Variants in SIRT4 observed in about 807,000 individuals in gnomAD.
SIRT4 encodes the protein sirtuin 4, also known as NAD-dependent protein lipoamidase sirtuin-4, mitochondrial.
Under a neutral mutation model 26.1 loss-of-function variants are expected in SIRT4, and 23 were observed. The observed-to-expected ratio is 0.88, with a 90% CI of 0.63 to 1.25. The LOEUF (loss-of-function observed/expected upper bound fraction) is 1.25. SIRT4 is among the 50% of genes most tolerant of loss of function. SIRT4 has a pLI of 0.00. For missense variants in SIRT4, 361 were observed against 405.4 expected, an observed-to-expected ratio of 0.89 and a Z score of 0.94; for synonymous variants, 155 against 158.4, an observed-to-expected ratio of 0.98 and a Z score of 0.16.
the SIRT4 span, chr12:120,293,210 G>C: frequency 6.6e-6 from 1 of 152,152 alleles, no homozygotes; most frequent in Admixed American, 6.6e-5. Context: ...AGACCTCATT[G>C]GCTACGATAC....
chr12:120,292,530 G>A, the SIRT4 span, among the ~76,000 whole-genome samples: 395 of 152,320 alleles, frequency 2.6e-3, 2 homozygotes, highest in African/African-American at 8.9e-3. Flanking sequence ...CTTGAACCCG[G>A]GCGGCAGTTT....
intron 2 of SIRT4, among the ~76,000 whole-genome samples, chr12:120,311,868 G>A (rs376893256): frequency 6.6e-6 from 1 of 151,836 alleles, no homozygotes; most frequent in Non-Finnish European, 1.5e-5. Context: ...AGATGAGCAA[G>A]GGAAAGTATA....
chr12:120,292,256 G>C, the SIRT4 span, among the ~76,000 whole-genome samples: 1 of 152,202 alleles, frequency 6.6e-6, no homozygotes, highest in African/African-American at 2.4e-5. Context: ...TGCGGAAACA[G>C]CAGGGTGGGG....
At chr12:120,294,259 G>A in the SIRT4 span, among the ~76,000 whole-genome samples, 2 of 150,824 alleles carry the variant, frequency 1.3e-5, no homozygotes, top group African/African-American at 4.9e-5. Flanking sequence ...CTCCCAAAGT[G>A]CTGGAATTAC....
rs1873028996 is a variant in SIRT4 at position 120,312,592 on chromosome 12, G to A, written c.634G>A (p.Val212Ile). 1.9e-6 allele frequency: 3 copies of A among 1,614,076 alleles called. No homozygotes were observed. Among genetic ancestry groups the A allele is most frequent in the Non-Finnish European group, 2.5e-6 (3 of 1,180,046 alleles). ...TGACGTCTTTCTCTCAGAGGAGCAA[G>A]TCCGGAGCTTTCAGGTCCCAACCTG... ...DGDVFLSEEQ[V>I]RSFQVPTCVQ... The change falls in exon 3 of 4, where the codon GTC becomes ATC. Residue 212 changes from valine to isoleucine, a missense_variant. Coordinates refer to ENST00000202967, the MANE Select transcript of SIRT4 (RefSeq NM_012240.3).
At chr12:120,304,163 T>C in intron 2 of SIRT4, 105 bp downstream of exon 2, 20 of 1,407,100 alleles carry the variant, frequency 1.4e-5, no homozygotes, top group Non-Finnish European at 1.8e-5. Flanking sequence ...GAGAAAAGGA[T>C]TTCAGAGCAA....
chr12:120,292,411 G>C, the SIRT4 span, among the ~76,000 whole-genome samples: 1,239 of 152,198 alleles, frequency 8.1e-3, 14 homozygotes, highest in African/African-American at 0.028. Flanking sequence ...GACCAGCCTG[G>C]ACAAGATGGT....
At chr12:120,308,560 G>A (rs1270034208) in intron 2 of SIRT4, among the ~76,000 whole-genome samples, 1 of 152,148 alleles carries the variant, frequency 6.6e-6, no homozygotes, top group African/African-American at 2.4e-5. Context: ...CAAATGAAGG[G>A]AAGTTGTAGA....
At chr12:120,309,053 C>T (rs963239840) in intron 2 of SIRT4, among the ~76,000 whole-genome samples, 3 of 152,002 alleles carry the variant, frequency 2.0e-5, no homozygotes, top group African/African-American at 7.2e-5. Flanking sequence ...GTGGCACATG[C>T]CTGTAATCCC....
the SIRT4 span, among the ~76,000 whole-genome samples, chr12:120,294,828 CTTT>C: frequency 8.7e-5 from 12 of 137,450 alleles, no homozygotes; most frequent in Admixed American, 1.5e-4. Flanking sequence ...ACTGTTTATC[CTTT>C]TTTTTTTTTT....
intron 2 of SIRT4, among the ~76,000 whole-genome samples, chr12:120,310,772 G>A (rs563350317): frequency 1.3e-5 from 2 of 150,592 alleles, no homozygotes; most frequent in East Asian, 2.0e-4. Context: ...AGTCTCGCTC[G>A]TTGCCCAGGC....
chr12:120,299,979 G>A (rs1387313945), upstream of SIRT4, among the ~76,000 whole-genome samples: 1 of 151,986 alleles, frequency 6.6e-6, no homozygotes, highest in African/African-American at 2.4e-5. Context: ...TTCATGAAAC[G>A]ATGCTGCCAA....
rs199996507 is a variant in SIRT4, at chr12:120,303,811, C to T, written c.250C>T (p.Arg84Cys). Residue 84 changes from arginine to cysteine, a missense_variant, in exon 2 of 4, where the codon CGC (arginine) becomes TGC (cysteine). Transcript: ENST00000202967. ...YRSEKVGLYARTDRRPIQHGD... is the reference protein window; with the variant it reads ...YRSEKVGLYACTDRRPIQHGD... ...GTCAGAAAAAGTGGGGCTTTATGCC[C>T]GCACTGACCGCAGGCCCATCCAGCA... 9.5e-5 allele frequency: 154 copies of T among 1,613,990 alleles called. No homozygotes were observed. The highest frequency in any genetic ancestry group is 1.2e-4 in the Non-Finnish European group (146 of 1,179,996).
At chr12:120,311,214 G>C (rs1474833127) in intron 2 of SIRT4, among the ~76,000 whole-genome samples, 1 of 148,536 alleles carries the variant, frequency 6.7e-6, no homozygotes, top group East Asian at 2.1e-4. Flanking sequence ...AATTAGCCGG[G>C]CGTGGTGGTG....
the SIRT4 span, among the ~76,000 whole-genome samples, chr12:120,293,910 T>G: frequency 2.0e-5 from 3 of 152,138 alleles, no homozygotes; most frequent in African/African-American, 7.2e-5. Context: ...CTTATTTCAT[T>G]CAGAATAATG....
chr12:120,299,993 G>A (rs116881341), upstream of SIRT4, among the ~76,000 whole-genome samples: 1,477 of 152,150 alleles, frequency 9.7e-3, 11 homozygotes, highest in Non-Finnish European at 0.016. Flanking sequence ...CTGCCAAGTC[G>A]AAATAAGCAG....
At chr12:120,292,987 C>G in the SIRT4 span, 1 of 152,090 alleles carries the variant, frequency 6.6e-6, no homozygotes, top group African/African-American at 2.4e-5. Context: ...AAGACACTTC[C>G]CCATCTCTCA....
rs373965879 is a variant in SIRT4, at chr12:120,311,827, A to G, written c.498-629A>G. ...AACCAAGAAGGAGAAGCATTTTAGA[A>G]GGAATGGTAATAGACAGTGGCAAAT... On this transcript the variant is annotated intron_variant, in intron 2 of 3. Coordinates refer to ENST00000202967, the MANE Select transcript of SIRT4 (RefSeq NM_012240.3). 6.6e-5 allele frequency among the ~76,000 whole-genome samples: 10 copies of G among 151,536 alleles called. No individual in the cohort carries two copies. The East Asian group carries it at 1.6e-3, about 24-fold the overall frequency.
At chr12:120,292,159 G>A in the SIRT4 span, among the ~76,000 whole-genome samples, 3 of 152,244 alleles carry the variant, frequency 2.0e-5, no homozygotes, top group Non-Finnish European at 2.9e-5. Flanking sequence ...AGATGACTCG[G>A]TTGAGACTTG....
Sources: gnomAD v4.1 joint callset for allele counts (sites outside exome capture counted in the v4.1 genomes callset) on GRCh38, gnomAD v4.1.1 for gene constraint, MANE v1.5 for transcripts, NCBI Gene and HGNC (gene_info 2026-07-23, HGNC 2026-07-21) for gene names.